Variants in NCKAP1 observed in about 807,000 individuals in gnomAD.
NCKAP1 encodes the protein NCK associated protein 1, also known as nck-associated protein 1.
Under a neutral mutation model 151.2 loss-of-function variants are expected in NCKAP1, and 21 were observed. That is an observed-to-expected ratio of 0.14 (90% CI 0.10 to 0.20). The LOEUF is 0.20. Among genes scored for constraint, NCKAP1 ranks in the 10% least tolerant of loss-of-function variants. The pLI, the probability that NCKAP1 is intolerant of heterozygous loss-of-function variation, is 1.00. For synonymous variants in NCKAP1, 484 were observed against 451.8 expected (o/e 1.07, Z -0.90); for missense variants, 933 against 1,352.1 (o/e 0.69, Z 4.86).
chr2:182,934,715 A>G (rs1696837889), intron 26 of NCKAP1, 37 bp downstream of exon 26: 1 of 1,028,980 alleles, frequency 9.7e-7, no homozygotes, highest in East Asian at 2.6e-5. Flanking sequence ...ATTTCGCTTT[A>G]GAGACTGTAA....
chr2:182,928,053 T>C lies in NCKAP1; in HGVS notation c.3180+64A>G, dbSNP rs1191298932. The C allele has an allele frequency of 4.4e-6, 5 of 1,125,780 alleles. No homozygotes were observed. The African/African-American group carries it at 6.3e-5, about 14-fold the overall frequency. The allele number at this position is 1,125,780 out of a possible 1,614,324, so 69.7% of individuals were successfully genotyped here. ...ATAAAGAGAATTTATTCTTACATTTTGTGGTTGTGAATTTTAGTTTTCTTT... is the reference window on the plus strand; with the variant it reads ...ATAAAGAGAATTTATTCTTACATTTCGTGGTTGTGAATTTTAGTTTTCTTT... On this transcript the variant is annotated intron_variant, in intron 29 of 30. Transcript: ENST00000361354.
At chr2:182,974,300 AAGGGTCTG>A (rs767150698) in intron 15 of NCKAP1, among the ~76,000 whole-genome samples, 1 of 151,796 alleles carries the variant, frequency 6.6e-6, no homozygotes, top group Non-Finnish European at 1.5e-5. Flanking sequence ...ATGCAGTAGA[AAGGGTCTG>A]AGTGACTGCA....
chr2:182,946,572 G>T (rs1205330216), intron 23 of NCKAP1, among the ~76,000 whole-genome samples: 1 of 151,386 alleles, frequency 6.6e-6, no homozygotes, highest in Non-Finnish European at 1.5e-5. Context: ...ACCTGCACAT[G>T]CACCCCTGAA....
intron 2 of NCKAP1, among the ~76,000 whole-genome samples, chr2:183,010,238 AAAC>A (rs1473339132): frequency 1.3e-5 from 2 of 152,352 alleles, no homozygotes; most frequent in Admixed American, 6.5e-5. Flanking sequence ...AAAGCAGCAG[AAAC>A]AACGAGTCAC....
At chr2:182,941,960 G>A (rs1386960821) in intron 24 of NCKAP1, 110 bp downstream of exon 24, 16 of 796,296 alleles carry the variant, frequency 2.0e-5, no homozygotes, top group Non-Finnish European at 2.6e-5. Context: ...AAGCTAAAGA[G>A]TACTTTTCAT....
At chr2:182,951,656 A>AC (rs1553511634) in intron 23 of NCKAP1, among the ~76,000 whole-genome samples, 1 of 150,156 alleles carries the variant, frequency 6.7e-6, no homozygotes, top group Admixed American at 6.6e-5. Flanking sequence ...AAAAAAACAA[A>AC]CAAACAAAAA....
chr2:183,033,604 T>C (rs886695279), intron 1 of NCKAP1, among the ~76,000 whole-genome samples: 5 of 152,194 alleles, frequency 3.3e-5, no homozygotes, highest in African/African-American at 1.2e-4. Context: ...GAAGAGTAAA[T>C]GAATAAATTA....
Position 182,922,424 on chromosome 2 carries a change from G to C in NCKAP1, c.*3278C>G, listed in dbSNP as rs942174555. The C allele has an allele frequency of 2.0e-5, 3 of 152,192 alleles. No individual in the cohort carries two copies. Among genetic ancestry groups the C allele is most frequent in the African/African-American group, 7.2e-5 (3 of 41,444 alleles). The allele number at this position is 152,192 out of a possible 1,614,324, so 9.4% of individuals were successfully genotyped here. A position where few individuals can be genotyped will look rare whatever the true frequency, so the allele number is the denominator to read the frequency against. ...AAAGCAAGCAAGCACATGATCAGAA[G>C]AGAAAAAGAGCTAGATAGCCCATAA... On this transcript the variant is annotated 3_prime_UTR_variant, in exon 31 of 31. Coordinates refer to ENST00000361354, the MANE Select transcript of NCKAP1 (RefSeq NM_013436.5).
chr2:183,011,588 C>T (rs1045855917), intron 2 of NCKAP1, among the ~76,000 whole-genome samples: 6 of 152,166 alleles, frequency 3.9e-5, no homozygotes, highest in Admixed American at 1.3e-4. Flanking sequence ...TAGCGTTTAT[C>T]GTAGTTTGTT....
intron 2 of NCKAP1, among the ~76,000 whole-genome samples, chr2:183,014,030 T>G (rs182236987): frequency 6.6e-5 from 10 of 152,332 alleles, no homozygotes; most frequent in Non-Finnish European, 1.5e-4. Context: ...ATTAGTCTTA[T>G]GCTTTTACCC....
chr2:183,010,171 T>G (rs1698565410), intron 2 of NCKAP1, among the ~76,000 whole-genome samples: 1 of 152,216 alleles, frequency 6.6e-6, no homozygotes, highest in African/African-American at 2.4e-5. Flanking sequence ...AGCACTGTTG[T>G]CTATTTTCCC....
chr2:183,007,450 T>C (rs977262759), intron 2 of NCKAP1, among the ~76,000 whole-genome samples: 22 of 152,204 alleles, frequency 1.4e-4, no homozygotes, highest in African/African-American at 4.8e-4. Flanking sequence ...AAATTTATTA[T>C]GTATTCTAAA....
chr2:183,033,999 A>C (rs1210291819), intron 1 of NCKAP1, among the ~76,000 whole-genome samples: 1 of 152,232 alleles, frequency 6.6e-6, no homozygotes, highest in African/African-American at 2.4e-5. Flanking sequence ...ATTGCTACTT[A>C]AAAATTAAAA....
intron 19 of NCKAP1, chr2:182,956,872 G>A (rs1322309418): frequency 4.2e-6 from 1 of 238,192 alleles, no homozygotes; most frequent in Non-Finnish European, 7.9e-6. Context: ...AGATAATCAC[G>A]CCCAATTCCT....
rs1696615819 is a variant in NCKAP1, at chr2:182,925,136, G to A, written c.*566C>T. On this transcript the variant is annotated 3_prime_UTR_variant, in exon 31 of 31. Coordinates refer to ENST00000361354, the MANE Select transcript of NCKAP1 (RefSeq NM_013436.5). The stretch of plus-strand genomic sequence containing the variant: ...TATGCTGCTGCTCTTAGAATTTTGG[G>A]AAATGATCTGCTTCTAATACTAAGC... 6.6e-6 allele frequency: 1 copy of A among 152,186 alleles called. No homozygotes were observed. The highest frequency in any genetic ancestry group is 6.5e-5 in the Admixed American group (1 of 15,276). The allele number at this position is 152,186 out of a possible 1,614,324, so 9.4% of individuals were successfully genotyped here.
chr2:182,934,860 G>T, intron 25 of NCKAP1, 28 bp from the exon 26 acceptor site: 3 of 1,106,058 alleles, frequency 2.7e-6, no homozygotes, highest in Non-Finnish European at 3.9e-6. Flanking sequence ...TAAGAATACA[G>T]AATTATTTTT....
intron 2 of NCKAP1, among the ~76,000 whole-genome samples, chr2:183,007,794 T>C (rs1037412093): frequency 3.3e-5 from 5 of 152,228 alleles, no homozygotes; most frequent in African/African-American, 1.2e-4. Flanking sequence ...CTGCCTAAAC[T>C]GTCCCAGCTA....
chr2:183,012,844 C>T (rs1440842213), intron 2 of NCKAP1, among the ~76,000 whole-genome samples: 4 of 149,072 alleles, frequency 2.7e-5, no homozygotes, highest in Admixed American at 2.7e-4. Context: ...AGGCTGGTCT[C>T]GAACTCCTGA....
intron 15 of NCKAP1, among the ~76,000 whole-genome samples, chr2:182,972,642 G>T (rs985895605): frequency 6.6e-6 from 1 of 152,100 alleles, no homozygotes; most frequent in African/African-American, 2.4e-5. Flanking sequence ...ATTCACAATC[G>T]TCAAGATATG....
Sources: allele counts gnomAD v4.1 joint callset (sites outside exome capture counted in the v4.1 genomes callset), GRCh38; gene constraint gnomAD v4.1.1; transcripts MANE v1.5; gene names NCBI Gene and HGNC (gene_info 2026-07-23, HGNC 2026-07-21).